The following SLC35F1 variants were observed in gnomAD, a reference collection of about 807,000 sequenced individuals.
SLC35F1 encodes solute carrier family 35 member F1, also known as chromosome 6 open reading frame 169.
In SLC35F1, 14 loss-of-function variants were observed where a neutral mutation model predicts 48.7. That is an observed-to-expected ratio of 0.29 (90% CI 0.19 to 0.45). The LOEUF (loss-of-function observed/expected upper bound fraction) is 0.45. Among genes scored for constraint, SLC35F1 ranks in the 20% least tolerant of loss-of-function variants. SLC35F1 has a pLI of 1.00. For missense variants in SLC35F1, 404 were observed against 500.0 expected (o/e 0.81, Z 1.83); for synonymous variants, 190 against 202.2 (o/e 0.94, Z 0.51).
intron 1 of SLC35F1, among the ~76,000 whole-genome samples, chr6:118,088,301 C>A (rs1773021313): frequency 6.6e-6 from 1 of 152,162 alleles, no homozygotes; most frequent in South Asian, 2.1e-4. Flanking sequence ...TGAAGAGAGG[C>A]TACAATTTGT....
chr6:118,168,710 T>C (rs564156203), intron 2 of SLC35F1, among the ~76,000 whole-genome samples: 36 of 152,320 alleles, frequency 2.4e-4, no homozygotes, highest in South Asian at 1.0e-3. Flanking sequence ...CCCCTCTATG[T>C]AATGGCAAAC....
At chr6:118,213,556 T>C (rs545669265) in intron 2 of SLC35F1, among the ~76,000 whole-genome samples, 3 of 152,186 alleles carry the variant, frequency 2.0e-5, no homozygotes, top group South Asian at 2.1e-4. Context: ...ATAGCAAAAA[T>C]TGGAAATAAA....
chr6:118,313,686 T>G (rs1264635396), intron 7 of SLC35F1, among the ~76,000 whole-genome samples: 1 of 152,200 alleles, frequency 6.6e-6, no homozygotes, highest in Non-Finnish European at 1.5e-5. Context: ...AACAACCAAC[T>G]TTTTATTGAC....
chr6:118,168,979 G>C (rs205949), intron 2 of SLC35F1, among the ~76,000 whole-genome samples: 1 of 152,092 alleles, frequency 6.6e-6, no homozygotes, highest in Non-Finnish European at 1.5e-5. Context: ...CAGGAAGAGA[G>C]AGCAAAATAT....
At chr6:118,260,884 G>A (rs1337240319) in intron 3 of SLC35F1, among the ~76,000 whole-genome samples, 1 of 151,976 alleles carries the variant, frequency 6.6e-6, no homozygotes, top group Non-Finnish European at 1.5e-5. Flanking sequence ...GTGTATCTAC[G>A]CCTTTGTCTG....
chr6:118,302,762 G>T (rs1776269134), intron 7 of SLC35F1, among the ~76,000 whole-genome samples: 1 of 151,972 alleles, frequency 6.6e-6, no homozygotes, highest in South Asian at 2.1e-4. Context: ...CAATGTTATT[G>T]AATGTCTCAG....
At chr6:118,259,105 A>T (rs1157479498) in intron 3 of SLC35F1, among the ~76,000 whole-genome samples, 2 of 151,722 alleles carry the variant, frequency 1.3e-5, no homozygotes, top group African/African-American at 4.8e-5. Flanking sequence ...GATATTTTAT[A>T]TATCAGTAAT....
At chr6:117,932,008 G>A (rs763709481) in intron 1 of SLC35F1, among the ~76,000 whole-genome samples, 45 of 152,136 alleles carry the variant, frequency 3.0e-4, no homozygotes, top group Non-Finnish European at 5.4e-4. Flanking sequence ...AAGGTGATTA[G>A]GCCATGAGAG....
rs138960512 is a variant in SLC35F1, at chr6:117,964,194, T to C, written c.173+56295T>C. On this transcript the variant is annotated intron_variant, in intron 1 of 7. Transcript: ENST00000360388. ...GCTGCATAGTATTCCATAGTGTATA[T>C]GTACCATATTTTCTTTCTCCAGTCT... is the stretch of plus-strand genomic sequence containing the variant. Among the ~76,000 whole-genome samples, 71 of 152,358 alleles carry C rather than the reference T, an allele frequency of 4.7e-4. 2 individuals are homozygous for C. The East Asian group carries it at 0.013, about 27-fold the overall frequency.
chr6:118,225,353 T>C (rs767692697), intron 2 of SLC35F1, among the ~76,000 whole-genome samples: 67 of 152,182 alleles, frequency 4.4e-4, no homozygotes, highest in Non-Finnish European at 8.5e-4. Flanking sequence ...TATAGCCAAC[T>C]AATTTTTAAC....
chr6:118,035,541 G>C (rs1288954846), intron 1 of SLC35F1, among the ~76,000 whole-genome samples: 3 of 151,148 alleles, frequency 2.0e-5, no homozygotes, highest in Non-Finnish European at 4.4e-5. Flanking sequence ...TTGAACCTGG[G>C]AGGCAGAGGT....
At chr6:118,017,679 A>T (rs1344694657) in intron 1 of SLC35F1, among the ~76,000 whole-genome samples, 1 of 152,164 alleles carries the variant, frequency 6.6e-6, no homozygotes, top group Non-Finnish European at 1.5e-5. Flanking sequence ...CTGCACACTT[A>T]TGTAAGCCCT....
At chr6:118,001,805 C>A (rs1777100951) in intron 1 of SLC35F1, among the ~76,000 whole-genome samples, 2 of 151,940 alleles carry the variant, frequency 1.3e-5, no homozygotes. Flanking sequence ...TGAACAGACG[C>A]TTCTCAAAAG....
intron 1 of SLC35F1, among the ~76,000 whole-genome samples, chr6:118,015,746 T>G (rs1210127763): frequency 1.3e-5 from 2 of 152,146 alleles, no homozygotes; most frequent in East Asian, 3.8e-4. Context: ...AAATGAAAAG[T>G]CTTTGTTTTC....
chr6:117,916,689 G>A (rs1775830320), intron 1 of SLC35F1, among the ~76,000 whole-genome samples: 1 of 152,230 alleles, frequency 6.6e-6, no homozygotes, highest in South Asian at 2.1e-4. Flanking sequence ...CAGGTCTGTA[G>A]AATGGGCAGT....
At chr6:118,114,127 T>C (rs2065416286) in intron 1 of SLC35F1, among the ~76,000 whole-genome samples, 2 of 152,174 alleles carry the variant, frequency 1.3e-5, no homozygotes, top group Admixed American at 1.3e-4. Flanking sequence ...ATGGGGAAAC[T>C]ACCTCTGAAA....
intron 1 of SLC35F1, among the ~76,000 whole-genome samples, chr6:118,140,631 C>G (rs545825530): frequency 1.0e-4 from 15 of 146,604 alleles, no homozygotes; most frequent in Admixed American, 1.4e-4. Flanking sequence ...AACTGTAAAA[C>G]AGCCTCAAAC....
chr6:118,032,751 C>G (rs1772072875), intron 1 of SLC35F1, among the ~76,000 whole-genome samples: 1 of 152,162 alleles, frequency 6.6e-6, no homozygotes, highest in African/African-American at 2.4e-5. Flanking sequence ...TCATCATGCT[C>G]TCCTGTAACC....
chr6:118,005,997 G>C (rs2355797), intron 1 of SLC35F1, among the ~76,000 whole-genome samples: 55,154 of 151,944 alleles, frequency 0.36, 10,674 homozygotes, highest in South Asian at 0.51. Flanking sequence ...AATTATATTT[G>C]ATTTTATAAT....
Sources: allele counts gnomAD v4.1 joint callset (sites outside exome capture counted in the v4.1 genomes callset), GRCh38; gene constraint gnomAD v4.1.1; transcripts MANE v1.5; gene names NCBI Gene and HGNC (gene_info 2026-07-23, HGNC 2026-07-21).